RBFOX1: variants seen among roughly 807,000 people sequenced by gnomAD.
The protein encoded by RBFOX1 is RNA binding protein fox-1 homolog 1.
RBFOX1 carries 8 observed loss-of-function variants against 57.7 expected under a neutral mutation model. The ratio of observed to expected loss-of-function variants is 0.14; its 90% CI spans 0.08 to 0.25. The LOEUF (loss-of-function observed/expected upper bound fraction) is 0.25. Among genes scored for constraint, RBFOX1 ranks in the 10% least tolerant of loss-of-function variants. The pLI is 1.00. For missense variants in RBFOX1, 611 were observed against 548.5 expected, an observed-to-expected ratio of 1.11 and a Z score of -1.14; for synonymous variants, 326 against 222.4, an observed-to-expected ratio of 1.47 and a Z score of -4.15.
intron 11 of RBFOX1, among the ~76,000 whole-genome samples, chr16:7,633,880 C>T (rs1013463727): frequency 3.3e-5 from 5 of 152,268 alleles, no homozygotes; most frequent in Admixed American, 2.0e-4. Flanking sequence ...GCTGGCTTGG[C>T]AACATTCACT....
At chr16:7,244,232 A>G (rs1342784040) in intron 4 of RBFOX1, among the ~76,000 whole-genome samples, 1 of 144,086 alleles carries the variant, frequency 6.9e-6, no homozygotes, top group Non-Finnish European at 1.5e-5. Context: ...GTTCTAGGAA[A>G]ATGCCAAAGT....
At chr16:5,248,978 A>G (rs1275920085) in intron 1 of RBFOX1, among the ~76,000 whole-genome samples, 2 of 110,904 alleles carry the variant, frequency 1.8e-5, no homozygotes, top group Non-Finnish European at 3.4e-5. Flanking sequence ...ACAGAGCAAG[A>G]CTCCATCTCA....
At chr16:6,602,483 G>A (rs1469356499) in intron 2 of RBFOX1, among the ~76,000 whole-genome samples, 1 of 152,114 alleles carries the variant, frequency 6.6e-6, no homozygotes, top group East Asian at 1.9e-4. Flanking sequence ...AAGGAGAGAG[G>A]ATCAGTCTGT....
chr16:6,826,001 C>A (rs1319563030), intron 3 of RBFOX1, among the ~76,000 whole-genome samples: 1 of 152,130 alleles, frequency 6.6e-6, no homozygotes, highest in Non-Finnish European at 1.5e-5. Flanking sequence ...ACCTTCTTTA[C>A]ATTTTGGGTA....
At chr16:7,166,216 G>A (rs1279281512) in intron 4 of RBFOX1, among the ~76,000 whole-genome samples, 1 of 152,130 alleles carries the variant, frequency 6.6e-6, no homozygotes, top group Non-Finnish European at 1.5e-5. Flanking sequence ...GTTTTGCCAT[G>A]TAGGCCAGGC....
intron 1 of RBFOX1, among the ~76,000 whole-genome samples, chr16:6,072,997 T>C (rs2095854986): frequency 6.6e-6 from 1 of 152,182 alleles, no homozygotes; most frequent in South Asian, 2.1e-4. Flanking sequence ...ACCATAAAAA[T>C]CTATAATATT....
chr16:6,675,710 GA>G (rs1401742017), intron 3 of RBFOX1, among the ~76,000 whole-genome samples: 1 of 152,162 alleles, frequency 6.6e-6, no homozygotes, highest in Non-Finnish European at 1.5e-5. Flanking sequence ...GAGAGAATGA[GA>G]AAACAAGCGA....
intron 4 of RBFOX1, among the ~76,000 whole-genome samples, chr16:7,290,752 G>T (rs1421455551): frequency 6.6e-6 from 1 of 152,196 alleles, no homozygotes; most frequent in East Asian, 1.9e-4. Flanking sequence ...CAGGATGGGG[G>T]CGTGGAAGAT....
At chr16:7,661,050 A>T (rs890526266) in intron 12 of RBFOX1, among the ~76,000 whole-genome samples, 6 of 152,202 alleles carry the variant, frequency 3.9e-5, no homozygotes, top group African/African-American at 1.4e-4. Flanking sequence ...GATCCATGGT[A>T]AGTGTTCTGC....
At chr16:7,384,174 TATATATATGAAACATATATGAA>T (rs1015211488) in intron 4 of RBFOX1, among the ~76,000 whole-genome samples, 19 of 151,948 alleles carry the variant, frequency 1.3e-4, no homozygotes, top group Non-Finnish European at 2.5e-4. Flanking sequence ...GTGCTTTTCA[TATATATATGAAACATATATGAA>T]ATATATATGA....
At chr16:7,235,294 TTGAC>T (rs2093711983) in intron 4 of RBFOX1, among the ~76,000 whole-genome samples, 1 of 152,222 alleles carries the variant, frequency 6.6e-6, no homozygotes, top group Non-Finnish European at 1.5e-5. Context: ...TTGTTCATTA[TTGAC>T]TAAGTGTGGC....
rs2062708645 is a variant in RBFOX1, at chr16:5,260,583, G to T, written c.219+20478G>T. On this transcript the variant is annotated intron_variant, in intron 1 of 2. Transcript: ENST00000585867. ...AACCAAAGGTGGTGAAAAATATTAA[G>T]ATGTTTTATATATATGTAGAAGTCT... 4 of 152,302 alleles carry T rather than the reference G, an allele frequency of 2.6e-5. No homozygotes were observed. In the South Asian group the frequency reaches 8.3e-4, roughly 32 times the overall value. The allele number at this position is 152,302 out of a possible 1,614,324, so 9.4% of individuals were successfully genotyped here.
At chr16:5,301,491 C>T (rs185425035) in intron 1 of RBFOX1, among the ~76,000 whole-genome samples, 127 of 151,916 alleles carry the variant, frequency 8.4e-4, no homozygotes, top group African/African-American at 2.7e-3. Context: ...TGGTGGCAGG[C>T]GCCTGTAGTC....
Position 6,989,496 on chromosome 16 carries a change from A to T in RBFOX1, c.-15-62561A>T, listed in dbSNP as rs527989012. Among the ~76,000 whole-genome samples, 24 of 152,324 alleles carry T rather than the reference A, an allele frequency of 1.6e-4. 1 individual carries two copies. Among genetic ancestry groups the T allele is most frequent in the Non-Finnish European group, 3.1e-4 (21 of 68,030 alleles). On this transcript the variant is annotated intron_variant, in intron 3 of 15. Transcript: ENST00000550418. ...TCATCCTCTGTAATTATTATATAGCAATCTTTAGATAAACTGATTTATTAG... is the reference window on the plus strand; with the variant it reads ...TCATCCTCTGTAATTATTATATAGCTATCTTTAGATAAACTGATTTATTAG...
chr16:6,752,686 G>A (rs1568463583), intron 3 of RBFOX1, among the ~76,000 whole-genome samples: 1 of 152,098 alleles, frequency 6.6e-6, no homozygotes, highest in African/African-American at 2.4e-5. Context: ...ACACCTTTCT[G>A]CGTATCGGTT....
chr16:5,763,440 A>G (rs531786103), intron 3 of RBFOX1, among the ~76,000 whole-genome samples: 1 of 152,270 alleles, frequency 6.6e-6, no homozygotes, highest in African/African-American at 2.4e-5. Context: ...CATGTCTTGG[A>G]GGGAGACAGC....
chr16:5,872,524 A>C (rs1434717790), intron 4 of RBFOX1, among the ~76,000 whole-genome samples: 1 of 152,074 alleles, frequency 6.6e-6, no homozygotes, highest in African/African-American at 2.4e-5. Context: ...TGAGCCCAGG[A>C]GTTCGAGACC....
At chr16:6,575,416 T>C (rs1417917387) in intron 2 of RBFOX1, among the ~76,000 whole-genome samples, 1 of 152,182 alleles carries the variant, frequency 6.6e-6, no homozygotes, top group Non-Finnish European at 1.5e-5. Flanking sequence ...AGAATACCTT[T>C]TACCATGAGC....
intron 1 of RBFOX1, among the ~76,000 whole-genome samples, chr16:5,291,405 G>A (rs1442578500): frequency 1.4e-4 from 21 of 151,942 alleles, no homozygotes; most frequent in Non-Finnish European, 2.5e-4. Context: ...TGGGACTACA[G>A]GCACCCGCCA....
Sources: allele counts gnomAD v4.1 joint callset (sites outside exome capture counted in the v4.1 genomes callset), GRCh38; gene constraint gnomAD v4.1.1; transcripts MANE v1.5; gene names NCBI Gene and HGNC (gene_info 2026-07-23, HGNC 2026-07-21).